Variants in IL13RA1 observed in about 807,000 individuals in gnomAD.
IL13RA1 encodes interleukin-13 receptor subunit alpha-1.
A neutral mutation model predicts 33.8 loss-of-function variants in IL13RA1; 14 were observed. The ratio of observed to expected loss-of-function variants is 0.41; its 90% CI spans 0.27 to 0.65. The LOEUF (loss-of-function observed/expected upper bound fraction) is 0.65. Among genes scored for constraint, IL13RA1 ranks in the 30% least tolerant of loss-of-function variants. The pLI, the probability that IL13RA1 is intolerant of heterozygous loss-of-function variation, is 0.28. For missense variants in IL13RA1, 313 were observed against 327.0 expected (o/e 0.96, Z 0.33); for synonymous variants, 116 against 115.7 (o/e 1.00, Z -0.02).
intron 9 of IL13RA1, among the ~76,000 whole-genome samples, chrX:118,775,957 G>A (rs2017776684): frequency 9.0e-6 from 1 of 111,322 alleles, no homozygotes. Flanking sequence ...TGCTCATAAA[G>A]TGAATGAGAT....
In IL13RA1 at chrX:118,743,981, A is replaced by C. The variant is rs756886116; in HGVS notation, c.228+2825A>C. 2.7e-5 allele frequency among the ~76,000 whole-genome samples: 3 copies of C among 111,541 alleles called. No individual in the cohort carries two copies. The South Asian group carries it at 1.1e-3, about 42-fold the overall frequency. The stretch of plus-strand genomic sequence containing the variant: ...GCCAACATGGTGAAACCCTGTCTCT[A>C]CTAAAAATACAAAAGTTAGCCAGGC... On this transcript the variant is annotated intron_variant, in intron 2 of 10. Coordinates refer to ENST00000371666, the MANE Select transcript of IL13RA1 (RefSeq NM_001560.3).
chrX:118,760,663 C>T (rs1198266273), intron 5 of IL13RA1, among the ~76,000 whole-genome samples: 1 of 112,068 alleles, frequency 8.9e-6, no homozygotes, highest in African/African-American at 3.2e-5. Flanking sequence ...AATAGAAATT[C>T]TAAAACTATG....
Position 118,727,742 on chromosome X carries a change from G to A in IL13RA1, c.88+16G>A. On this transcript the variant is annotated intron_variant, in intron 1 of 10. Transcript: ENST00000371666. ...GCGCCTACGGGTGAGTGCGACCCTC[G>A]GGGCCCGAGGGGCGGCCGGAGGGCT... 1 of 757,456 alleles carries A rather than the reference G, an allele frequency of 1.3e-6. No homozygotes were observed. Among genetic ancestry groups the A allele is most frequent in the Non-Finnish European group, 1.7e-6 (1 of 600,002 alleles). 62.4% of individuals were successfully genotyped at this position (757,456 alleles called of 1,213,427 possible). A position where few individuals can be genotyped will look rare whatever the true frequency, so the allele number is the denominator to read the frequency against.
At position 118,747,098 on chromosome X, in the gene IL13RA1, A is replaced by G; in HGVS notation, c.367+6A>G. On this transcript the variant is annotated splice_donor_region_variant and intron_variant, in intron 3 of 10. Transcript: ENST00000371666. ...ATGCATCTCACCCCCAGAAGGTAAC[A>G]ACTGAAAGCGCTATCTCTTGGTGTT... 1 of 1,119,939 alleles carries G rather than the reference A, an allele frequency of 8.9e-7. No homozygotes were observed. The highest frequency in any genetic ancestry group is 1.2e-6 in the Non-Finnish European group (1 of 815,743). 92.3% of individuals were successfully genotyped at this position (1,119,939 alleles called of 1,213,427 possible).
chrX:118,737,992 T>C (rs977967786), intron 1 of IL13RA1: 10 of 112,069 alleles, frequency 8.9e-5, no homozygotes, highest in Non-Finnish European at 1.5e-4. Context: ...ATCATTGATA[T>C]GGTGTTAGAA....
rs190912612 is a variant in IL13RA1, at chrX:118,772,274, C to T, written c.1010-1605C>T. Among the ~76,000 whole-genome samples the T allele has an allele frequency of 3.4e-4, 38 of 112,529 alleles. No individual in the cohort carries two copies. In the East Asian group the frequency reaches 7.9e-3, roughly 23 times the overall value. On this transcript the variant is annotated intron_variant, in intron 8 of 10. Coordinates refer to ENST00000371666, the MANE Select transcript of IL13RA1 (RefSeq NM_001560.3). ...TTTAATCTGTGTGTGTGGGTGTGTG[C>T]GTGCGCACACGTGCGTACTTACAAA... is the stretch of plus-strand genomic sequence containing the variant.
At chrX:118,757,637 T>C (rs979021477) in intron 4 of IL13RA1, among the ~76,000 whole-genome samples, 1 of 106,925 alleles carries the variant, frequency 9.4e-6, no homozygotes, top group Non-Finnish European at 1.9e-5. Flanking sequence ...ATTGCAAATA[T>C]TGCTTTTCAT....
At chrX:118,799,504 G>A (rs1395475803), downstream of IL13RA1, among the ~76,000 whole-genome samples, 1 of 111,282 alleles carries the variant, frequency 9.0e-6, no homozygotes. Flanking sequence ...TTAGCTCAAG[G>A]TTTGTGAGTG....
At chrX:118,784,765 G>A (rs1243762619) in intron 10 of IL13RA1, among the ~76,000 whole-genome samples, 1 of 111,814 alleles carries the variant, frequency 8.9e-6, no homozygotes, top group Non-Finnish European at 1.9e-5. Flanking sequence ...AAGTCATTTT[G>A]GCAAAATATA....
Position 118,740,783 on chromosome X carries a change from A to G in IL13RA1, c.89-234A>G, listed in dbSNP as rs941352826. Among the ~76,000 whole-genome samples the G allele has an allele frequency of 3.6e-5, 4 of 112,148 alleles. No individual in the cohort carries two copies. The East Asian group carries it at 1.1e-3, about 31-fold the overall frequency. On this transcript the variant is annotated intron_variant, in intron 1 of 10. Transcript: ENST00000371666. ...GGGTTACAAAGTGAGATTCTATCTC[A>G]AAAAACAACAACAACAAAAACATGA...
chrX:118,740,886 C>T (rs2017336035), intron 1 of IL13RA1, 131 bp from the exon 2 acceptor site: 1 of 544,041 alleles, frequency 1.8e-6, no homozygotes, highest in Non-Finnish European at 3.2e-6. Context: ...TAGAATAGTC[C>T]CTGGCCCAGT....
chrX:118,774,223 C>G (rs1259799801), intron 9 of IL13RA1, among the ~76,000 whole-genome samples: 3 of 101,869 alleles, frequency 2.9e-5, no homozygotes, highest in African/African-American at 1.1e-4. Flanking sequence ...GATCTCGGCT[C>G]ACTGCAGCCT....
chrX:118,752,469 T>G (rs1191138426), intron 4 of IL13RA1, among the ~76,000 whole-genome samples: 1 of 112,374 alleles, frequency 8.9e-6, no homozygotes, highest in East Asian at 2.8e-4. Flanking sequence ...CTTATTTGTC[T>G]TTATCCTTAT....
chrX:118,800,388 C>T, the IL13RA1 span, among the ~76,000 whole-genome samples: 1 of 111,030 alleles, frequency 9.0e-6, no homozygotes, highest in Non-Finnish European at 1.9e-5. Flanking sequence ...CGGCTTCACT[C>T]CTGAGCCCAG....
rs763220653 is a variant in IL13RA1, at chrX:118,791,877, T to C, written c.*23T>C. On this transcript the variant is annotated 3_prime_UTR_variant, in exon 11 of 11. Coordinates refer to ENST00000371666, the MANE Select transcript of IL13RA1 (RefSeq NM_001560.3). ...TGATGGAGATAATTTATTTTTACCT[T>C]CACTGTGACCTTGAGAAGATTCTTC... The C allele has an allele frequency of 1.5e-6, 1 of 649,425 alleles. No homozygotes were observed. Among genetic ancestry groups the C allele is most frequent in the Admixed American group, 2.6e-5 (1 of 38,688 alleles). 53.5% of individuals were successfully genotyped at this position (649,425 alleles called of 1,213,427 possible).
chrX:118,800,127 G>A, the IL13RA1 span, among the ~76,000 whole-genome samples: 1 of 111,404 alleles, frequency 9.0e-6, no homozygotes, highest in African/African-American at 3.3e-5. Flanking sequence ...GGGAGGTAGA[G>A]AACCTTTGTA....
chrX:118,799,273 C>T (rs182172517), downstream of IL13RA1, among the ~76,000 whole-genome samples: 48 of 113,046 alleles, frequency 4.2e-4, 2 homozygotes, highest in East Asian at 0.013. Flanking sequence ...CCCGAGCCTC[C>T]CGGACGAGCA....
chrX:118,745,186 AG>A (rs2017389082), intron 2 of IL13RA1, among the ~76,000 whole-genome samples: 1 of 111,976 alleles, frequency 8.9e-6, no homozygotes, highest in Admixed American at 9.5e-5. Context: ...GATTTCTGTT[AG>A]CATAACTGGT....
intron 3 of IL13RA1, among the ~76,000 whole-genome samples, chrX:118,749,004 C>T (rs752951825): frequency 9.0e-6 from 1 of 111,621 alleles, no homozygotes; most frequent in East Asian, 2.8e-4. Context: ...CAACCTCCAC[C>T]CCCCTGGTTT....
Sources: allele counts gnomAD v4.1 joint callset (sites outside exome capture counted in the v4.1 genomes callset), GRCh38; gene constraint gnomAD v4.1.1; transcripts MANE v1.5; gene names NCBI Gene and HGNC (gene_info 2026-07-23, HGNC 2026-07-21).